Variants in PRKAR1B observed in about 807,000 individuals in gnomAD.
PRKAR1B encodes the protein cAMP-dependent protein kinase type I-beta regulatory subunit.
Under a neutral mutation model 46.5 loss-of-function variants are expected in PRKAR1B, and 22 were observed. That is an observed-to-expected ratio of 0.47 (90% CI 0.34 to 0.68). The LOEUF is 0.68. PRKAR1B is among the 30% of genes least tolerant of loss of function. PRKAR1B has a pLI of 0.01. For synonymous variants in PRKAR1B, 259 were observed against 217.7 expected (o/e 1.19, Z -1.67); for missense variants, 445 against 535.6 (o/e 0.83, Z 1.67).
At chr7:596,601 GC>G (rs2128456933) in intron 6 of PRKAR1B, among the ~76,000 whole-genome samples, 1 of 152,334 alleles carries the variant, frequency 6.6e-6, no homozygotes, top group African/African-American at 2.4e-5. Flanking sequence ...GACGCACCCG[GC>G]CCCCGCTCTG....
In PRKAR1B at chr7:595,506, G is replaced by A. The variant is rs187207104; in HGVS notation, c.708+640C>T. 6.6e-3 allele frequency among the ~76,000 whole-genome samples: 1,005 copies of A among 152,270 alleles called. 7 individuals carry two copies. Among genetic ancestry groups the A allele is most frequent in the African/African-American group, 0.022 (933 of 41,538 alleles). ...AGGGCCTGGCAGGTGGGGTGTGTGC[G>A]GGGAGGGCGTGGAGGGTCTCCTCTC... On this transcript the variant is annotated intron_variant, in intron 7 of 10. Transcript: ENST00000537384.
Position 685,338 on chromosome 7 carries a change from GTA to G in PRKAR1B, c.178-4614_178-4613del, listed in dbSNP as rs1276288492. Among the ~76,000 whole-genome samples the G allele has an allele frequency of 3.3e-3, 188 of 56,458 alleles. 28 individuals carry two copies. Among genetic ancestry groups the G allele is most frequent in the African/African-American group, 0.015 (176 of 11,522 alleles). 37.0% of individuals were successfully genotyped at this position (56,458 alleles called of 152,430 possible). ...TATACGTATATATACGTATATATAC[GTA>G]TATATATGTATACATATATATATAC... On this transcript the variant is annotated intron_variant, in intron 2 of 10. Transcript: ENST00000537384.
At chr7:655,447 C>T (rs1785142429) in intron 4 of PRKAR1B, among the ~76,000 whole-genome samples, 1 of 152,192 alleles carries the variant, frequency 6.6e-6, no homozygotes, top group Non-Finnish European at 1.5e-5. Flanking sequence ...CTTCCTCTTT[C>T]CCCCAGGTAT....
At chr7:591,849 G>A (rs1321542738) in intron 7 of PRKAR1B, among the ~76,000 whole-genome samples, 2 of 152,178 alleles carry the variant, frequency 1.3e-5, no homozygotes, top group Admixed American at 1.3e-4. Flanking sequence ...AAAGCCAGGA[G>A]GAGCAGATTC....
intron 4 of PRKAR1B, among the ~76,000 whole-genome samples, chr7:638,778 C>T (rs1204184729): frequency 2.6e-5 from 4 of 152,194 alleles, no homozygotes; most frequent in Non-Finnish European, 5.9e-5. Flanking sequence ...GCTAAGCTGA[C>T]CCTAAAATTC....
chr7:699,638 A>G (rs544291268), intron 2 of PRKAR1B, among the ~76,000 whole-genome samples: 3 of 152,294 alleles, frequency 2.0e-5, no homozygotes, highest in African/African-American at 7.2e-5. Flanking sequence ...AGGCTCTCTG[A>G]GGAAGCAGCC....
chr7:598,781 G>A (rs1781424915), intron 6 of PRKAR1B, among the ~76,000 whole-genome samples: 1 of 152,242 alleles, frequency 6.6e-6, no homozygotes, highest in Admixed American at 6.5e-5. Flanking sequence ...GGAGAGCCAG[G>A]GAGGCGGGTA....
chr7:554,331 T>G (rs1778271330), intron 9 of PRKAR1B, among the ~76,000 whole-genome samples: 1 of 152,280 alleles, frequency 6.6e-6, no homozygotes. Flanking sequence ...GTTATTTGTC[T>G]GGACAGCCCA....
intron 2 of PRKAR1B, among the ~76,000 whole-genome samples, chr7:692,468 G>C (rs1779488448): frequency 6.6e-6 from 1 of 152,128 alleles, no homozygotes; most frequent in Non-Finnish European, 1.5e-5. Flanking sequence ...GAGGAGAAGA[G>C]AAGAGAAGAG....
chr7:580,895 G>A lies in PRKAR1B; in HGVS notation c.770-1518C>T, dbSNP rs545386015. Among the ~76,000 whole-genome samples the A allele has an allele frequency of 2.2e-3, 341 of 152,238 alleles. 3 individuals carry two copies. The highest frequency in any genetic ancestry group is 7.6e-3 in the African/African-American group (316 of 41,542). On this transcript the variant is annotated intron_variant, in intron 8 of 10. Coordinates refer to ENST00000537384, the MANE Select transcript of PRKAR1B (RefSeq NM_001164760.2). ...CTCCTTAAAAATCCCTGTCGGCGCC[G>A]TAGGTTGCAAAGGAAAATGCTTCCC...
At chr7:639,833 G>A (rs1406899367) in intron 4 of PRKAR1B, among the ~76,000 whole-genome samples, 1 of 151,618 alleles carries the variant, frequency 6.6e-6, no homozygotes, top group East Asian at 2.0e-4. Flanking sequence ...CTCCAGCCTG[G>A]GCAACAGAGC....
chr7:566,438 TCAC>T (rs1257008141), intron 9 of PRKAR1B, among the ~76,000 whole-genome samples: 7 of 134,232 alleles, frequency 5.2e-5, no homozygotes, highest in Admixed American at 1.5e-4. Flanking sequence ...ACCATCACCA[TCAC>T]CACAACCATC....
intron 9 of PRKAR1B, among the ~76,000 whole-genome samples, chr7:575,164 G>A (rs1258016492): frequency 1.3e-5 from 2 of 152,248 alleles, no homozygotes; most frequent in Non-Finnish European, 2.9e-5. Context: ...CCCTGGGGTT[G>A]CATCCAGATG....
Position 666,630 on chromosome 7 carries a change from T to A in PRKAR1B, c.440+10599A>T, listed in dbSNP as rs1185206212. ...CAGGCCAAGGCCCCCTCTCACTGGGTCTCAGAGCTCTGTTCAGTACAGTGA... is the reference window on the plus strand; with the variant it reads ...CAGGCCAAGGCCCCCTCTCACTGGGACTCAGAGCTCTGTTCAGTACAGTGA... On this transcript the variant is annotated intron_variant, in intron 4 of 10. Transcript: ENST00000537384. This position sits in a 1 kb window ranked among gnomAD's most constrained non-coding sequence, Gnocchi z 4.9. Among the ~76,000 whole-genome samples the A allele has an allele frequency of 2.0e-5, 3 of 152,168 alleles. No individual in the cohort carries two copies. The highest frequency in any genetic ancestry group is 7.2e-5 in the African/African-American group (3 of 41,440).
intron 1 of PRKAR1B, among the ~76,000 whole-genome samples, chr7:726,096 AGCCAGTTTCTGCATG>A (rs1198384564): frequency 2.0e-5 from 3 of 150,404 alleles, no homozygotes; most frequent in Admixed American, 1.3e-4. Flanking sequence ...TTCTGCATGC[AGCCAGTTTCTGCATG>A]CATTAAACTC....
chr7:599,225 C>A (rs1205636747), intron 6 of PRKAR1B, among the ~76,000 whole-genome samples: 1 of 152,214 alleles, frequency 6.6e-6, no homozygotes, highest in African/African-American at 2.4e-5. Context: ...TCACCACTCC[C>A]GGCGCAGTGC....
chr7:689,621 A>T (rs964989350), intron 2 of PRKAR1B, among the ~76,000 whole-genome samples: 3 of 152,080 alleles, frequency 2.0e-5, no homozygotes, highest in African/African-American at 7.2e-5. Flanking sequence ...ACAAAAGAAA[A>T]AGATGGGGAG....
chr7:696,954 C>T (rs1353341823), intron 2 of PRKAR1B: 1 of 152,358 alleles, frequency 6.6e-6, no homozygotes, highest in African/African-American at 2.4e-5. Flanking sequence ...CTTCCCCTTC[C>T]CCTCTTGGGA....
At chr7:591,472 CG>C (rs1780975563) in intron 7 of PRKAR1B, among the ~76,000 whole-genome samples, 1 of 152,200 alleles carries the variant, frequency 6.6e-6, no homozygotes, top group African/African-American at 2.4e-5. Flanking sequence ...TGAGTCGGCT[CG>C]GGGGGCACGG....
Sources: gnomAD v4.1 joint callset for allele counts (sites outside exome capture counted in the v4.1 genomes callset) on GRCh38, gnomAD v4.1.1 for gene constraint, Gnocchi (gnomAD v3.1) non-coding constraint, MANE v1.5 for transcripts, NCBI Gene and HGNC (gene_info 2026-07-23, HGNC 2026-07-21) for gene names.